C10orf90: variants seen among roughly 807,000 people sequenced by gnomAD.
C10orf90 encodes the protein chromosome 10 open reading frame 90.
In C10orf90, 56 loss-of-function variants were observed where a neutral mutation model predicts 62.5. That is an observed-to-expected ratio of 0.90 (90% CI 0.72 to 1.12). The LOEUF (loss-of-function observed/expected upper bound fraction) is 1.12, where lower values mean the gene tolerates loss of function less well. Ranked by LOEUF, C10orf90 falls within the 50% of genes most tolerant of loss-of-function variation. The pLI, the probability that C10orf90 is intolerant of heterozygous loss-of-function variation, is 0.00. For missense variants in C10orf90, 970 were observed against 880.4 expected, an observed-to-expected ratio of 1.10 and a Z score of -1.29; for synonymous variants, 386 against 340.4, an observed-to-expected ratio of 1.13 and a Z score of -1.47.
At chr10:126,451,739 A>G (rs1333010605) in intron 7 of C10orf90, among the ~76,000 whole-genome samples, 1 of 152,126 alleles carries the variant, frequency 6.6e-6, no homozygotes, top group African/African-American at 2.4e-5. Flanking sequence ...ACGGAATACT[A>G]TACAGTCTTA....
intron 2 of C10orf90, among the ~76,000 whole-genome samples, chr10:126,612,625 A>C (rs1845461824): frequency 6.6e-6 from 1 of 152,192 alleles, no homozygotes; most frequent in South Asian, 2.1e-4. Flanking sequence ...GAAAAGCACA[A>C]AGTTAGGCCT....
At position 126,578,896 on chromosome 10, in the gene C10orf90, T is replaced by C. The variant is rs571116331; in HGVS notation, c.314-64957A>G. Among the ~76,000 whole-genome samples, 27 of 152,310 alleles carry C rather than the reference T, an allele frequency of 1.8e-4. No individual in the cohort carries two copies. In the East Asian group the frequency reaches 4.6e-3, roughly 26 times the overall value. On this transcript the variant is annotated intron_variant, in intron 2 of 9. Coordinates refer to ENST00000488181, the MANE Select transcript of C10orf90 (RefSeq NM_001350921.2). ...AAATAGGCCAACGATCTGGCCACTA[T>C]GCCAATCCCAGAAGGGAGTGGCTAA... is the stretch of plus-strand genomic sequence containing the variant.
intron 2 of C10orf90, among the ~76,000 whole-genome samples, chr10:126,585,103 G>T (rs1844833784): frequency 6.6e-6 from 1 of 151,848 alleles, no homozygotes; most frequent in East Asian, 1.9e-4. Context: ...AGGAATTCCT[G>T]CTGGGAATTC....
chr10:126,483,612 G>A (rs1007792011), intron 4 of C10orf90, among the ~76,000 whole-genome samples: 9 of 152,188 alleles, frequency 5.9e-5, no homozygotes, highest in African/African-American at 2.2e-4. Context: ...ATCATAAGAT[G>A]TATTCTTATA....
chr10:126,517,889 A>G (rs1863526350), intron 2 of C10orf90, among the ~76,000 whole-genome samples: 1 of 145,980 alleles, frequency 6.9e-6, no homozygotes, highest in South Asian at 2.3e-4. Flanking sequence ...CAGCCTGGCA[A>G]CACAGTGAGA....
intron 2 of C10orf90, among the ~76,000 whole-genome samples, chr10:126,551,853 G>A (rs941427545): frequency 4.6e-5 from 7 of 152,202 alleles, no homozygotes; most frequent in African/African-American, 1.4e-4. Context: ...CTATGTGTCC[G>A]TTTGTTGGTA....
At position 126,461,504 on chromosome 10, in the gene C10orf90, G is replaced by A. The variant is rs1859975560; in HGVS notation, c.1907C>T (p.Pro636Leu). 1.9e-6 allele frequency: 3 copies of A among 1,613,860 alleles called. No homozygotes were observed. The highest frequency in any genetic ancestry group is 1.3e-5 in the African/African-American group (1 of 74,890). The change falls in exon 6 of 10, where the codon CCA becomes CTA. Residue 636 changes from proline to leucine, a missense_variant. Transcript: ENST00000488181. ...SEDPTTPEPSPAAPSPAPRDG... is the reference protein window; with the variant it reads ...SEDPTTPEPSLAAPSPAPRDG... ...GCGGGGTGCTGGCGAGGGTGCTGCT[G>A]GGGAGGGCTCAGGTGTGGTGGGGTC...
chr10:126,541,972 G>A (rs1864385743), intron 2 of C10orf90, among the ~76,000 whole-genome samples: 1 of 152,134 alleles, frequency 6.6e-6, no homozygotes. Flanking sequence ...TACATTCAAT[G>A]GAACATTATT....
intron 4 of C10orf90, among the ~76,000 whole-genome samples, chr10:126,473,083 A>G (rs1304837937): frequency 6.6e-6 from 1 of 152,188 alleles, no homozygotes; most frequent in Non-Finnish European, 1.5e-5. Context: ...CAGTGAAAAA[A>G]CAAAATTCCT....
chr10:126,640,228 G>C (rs35721168), intron 2 of C10orf90, among the ~76,000 whole-genome samples: 13,783 of 152,260 alleles, frequency 0.091, 761 homozygotes, highest in Middle Eastern at 0.15. Flanking sequence ...AGCCACTTCT[G>C]GGGGAGCCTC....
At chr10:126,580,762 G>A (rs1030216623) in intron 2 of C10orf90, among the ~76,000 whole-genome samples, 9 of 152,042 alleles carry the variant, frequency 5.9e-5, no homozygotes, top group African/African-American at 2.2e-4. Context: ...ATGCATGTGT[G>A]GTGTGTGAAC....
intron 1 of C10orf90, among the ~76,000 whole-genome samples, chr10:126,665,695 C>A (rs1846613369): frequency 6.6e-6 from 1 of 152,092 alleles, no homozygotes; most frequent in South Asian, 2.1e-4. Context: ...ACAATTGTCC[C>A]CACCTGGAGG....
At chr10:126,573,108 T>C (rs1343111154) in intron 2 of C10orf90, among the ~76,000 whole-genome samples, 1 of 152,110 alleles carries the variant, frequency 6.6e-6, no homozygotes, top group African/African-American at 2.4e-5. Context: ...GACTCACGTC[T>C]CCAAAAACCG....
At chr10:126,579,329 C>A (rs1311689324) in intron 2 of C10orf90, among the ~76,000 whole-genome samples, 1 of 150,188 alleles carries the variant, frequency 6.7e-6, no homozygotes, top group Non-Finnish European at 1.5e-5. Flanking sequence ...CAACTTCTGC[C>A]TCTTGGGTTC....
intron 4 of C10orf90, among the ~76,000 whole-genome samples, chr10:126,465,575 T>C (rs1413296383): frequency 6.6e-6 from 1 of 152,200 alleles, no homozygotes; most frequent in Non-Finnish European, 1.5e-5. Flanking sequence ...TTATGATTAC[T>C]ATTGCAGAAG....
At chr10:126,470,516 G>C (rs1393235207) in intron 4 of C10orf90, among the ~76,000 whole-genome samples, 1 of 152,162 alleles carries the variant, frequency 6.6e-6, no homozygotes, top group Non-Finnish European at 1.5e-5. Flanking sequence ...GATTGCTTGA[G>C]TGCAGGAGTT....
At chr10:126,512,536 G>A (rs10901625) in intron 3 of C10orf90, among the ~76,000 whole-genome samples, 135,473 of 152,106 alleles carry the variant, frequency 0.89, 60,564 homozygotes, top group African/African-American at 0.97. Flanking sequence ...TTGCCAGCTC[G>A]GTGTGAAAAA....
chr10:126,467,810 A>T (rs1459368670), intron 4 of C10orf90, among the ~76,000 whole-genome samples: 5 of 152,194 alleles, frequency 3.3e-5, no homozygotes, highest in African/African-American at 4.8e-5. Context: ...TCCTTCTGTT[A>T]TTGCAAAATC....
intron 2 of C10orf90, among the ~76,000 whole-genome samples, chr10:126,531,246 C>T (rs916211663): frequency 6.6e-6 from 1 of 151,982 alleles, no homozygotes; most frequent in Non-Finnish European, 1.5e-5. Context: ...CAACAGCTCT[C>T]AGCTGGGGTT....
Sources: allele counts gnomAD v4.1 joint callset (sites outside exome capture counted in the v4.1 genomes callset), GRCh38; gene constraint gnomAD v4.1.1; transcripts MANE v1.5; gene names NCBI Gene and HGNC (gene_info 2026-07-23, HGNC 2026-07-21).